AIMP1: variants seen among roughly 807,000 people sequenced by gnomAD.
The protein encoded by AIMP1 is aminoacyl tRNA synthetase complex interacting multifunctional protein 1.
In AIMP1, 24 loss-of-function variants were observed where a neutral mutation model predicts 33.1. The ratio of observed to expected loss-of-function variants is 0.73; its 90% CI spans 0.53 to 1.02. The LOEUF (loss-of-function observed/expected upper bound fraction) is 1.02, where lower values mean the gene tolerates loss of function less well. Among genes scored for constraint, AIMP1 ranks in the 50% least tolerant of loss-of-function variants. The pLI, the probability that AIMP1 is intolerant of heterozygous loss-of-function variation, is 0.00. For missense variants in AIMP1, 367 were observed against 364.8 expected, an observed-to-expected ratio of 1.01 and a Z score of -0.05; for synonymous variants, 120 against 121.5, an observed-to-expected ratio of 0.99 and a Z score of 0.08.
chr4:106,340,725 A>G (rs1395943813), intron 6 of AIMP1, among the ~76,000 whole-genome samples: 1 of 152,132 alleles, frequency 6.6e-6, no homozygotes, highest in Non-Finnish European at 1.5e-5. Context: ...TGTCTTTGCT[A>G]TTGTGAATAG....
intron 6 of AIMP1, among the ~76,000 whole-genome samples, chr4:106,343,698 C>T (rs767863604): frequency 3.3e-5 from 5 of 152,080 alleles, no homozygotes; most frequent in Non-Finnish European, 5.9e-5. Flanking sequence ...ATATGCTCAC[C>T]ACTCTACTCC....
intron 4 of AIMP1, among the ~76,000 whole-genome samples, chr4:106,329,784 T>C (rs1000613557): frequency 1.3e-3 from 165 of 126,432 alleles, no homozygotes; most frequent in Non-Finnish European, 2.0e-3. Context: ...TTTTTTTTTT[T>C]TTTTTTTTTT....
intron 6 of AIMP1, among the ~76,000 whole-genome samples, chr4:106,339,318 A>G (rs1579643692): frequency 6.6e-6 from 1 of 152,160 alleles, no homozygotes; most frequent in East Asian, 1.9e-4. Context: ...CTCATCTTGA[A>G]TTATAGCTCC....
chr4:106,336,417 G>A (rs917059185), intron 5 of AIMP1, among the ~76,000 whole-genome samples: 6 of 151,964 alleles, frequency 3.9e-5, no homozygotes, highest in African/African-American at 1.5e-4. Flanking sequence ...AAATGCACAT[G>A]TGTAAATGTG....
chr4:106,327,405 A>C lies in AIMP1; in HGVS notation c.110-46A>C, dbSNP rs531600963. On this transcript the variant is annotated intron_variant, in intron 2 of 6. Coordinates refer to ENST00000672341, the MANE Select transcript of AIMP1 (RefSeq NM_001142416.2). ...CTTCTTTTCAAATAGTATTCATACAAAACCTCTTTTAAAAACATATTTTAA... is the reference window on the plus strand; with the variant it reads ...CTTCTTTTCAAATAGTATTCATACACAACCTCTTTTAAAAACATATTTTAA... The C allele has an allele frequency of 4.3e-6, 6 of 1,408,616 alleles. No homozygotes were observed. In the South Asian group the frequency reaches 7.0e-5, roughly 16 times the overall value. The allele number at this position is 1,408,616 out of a possible 1,614,324, so 87.3% of individuals were successfully genotyped here. A position where few individuals can be genotyped will look rare whatever the true frequency, so the allele number is the denominator to read the frequency against.
chr4:106,333,014 T>TCCCC (rs1769740492), intron 5 of AIMP1, among the ~76,000 whole-genome samples: 3 of 147,538 alleles, frequency 2.0e-5, no homozygotes, highest in Non-Finnish European at 3.0e-5. Context: ...GCCCCACCCC[T>TCCCC]ACCCTTCCCA....
intron 5 of AIMP1, among the ~76,000 whole-genome samples, chr4:106,332,841 G>A (rs772696138): frequency 5.3e-5 from 8 of 151,726 alleles, no homozygotes; most frequent in Non-Finnish European, 1.2e-4. Context: ...AGTTTTTAGA[G>A]CCATGCATAT....
intron 2 of AIMP1, 70 bp downstream of exon 2, chr4:106,325,188 GT>G: frequency 7.3e-7 from 1 of 1,365,448 alleles, no homozygotes; most frequent in Non-Finnish European, 1.0e-6. Flanking sequence ...AAAAAATAAT[GT>G]TTACCGCTTT....
At chr4:106,333,383 C>T (rs1236024767) in intron 5 of AIMP1, among the ~76,000 whole-genome samples, 1 of 152,162 alleles carries the variant, frequency 6.6e-6, no homozygotes, top group African/African-American at 2.4e-5. Context: ...TCTCTAATTT[C>T]AGCGTTGCTG....
chr4:106,329,821 T>C (rs1256757908), intron 4 of AIMP1, among the ~76,000 whole-genome samples: 1 of 141,186 alleles, frequency 7.1e-6, no homozygotes, highest in East Asian at 2.3e-4. Context: ...AGTCTTGCTC[T>C]GTCACCCAGG....
chr4:106,347,800 C>A lies in AIMP1; in HGVS notation c.*108C>A. 8 of 1,188,548 alleles carry A rather than the reference C, an allele frequency of 6.7e-6. No homozygotes were observed. The highest frequency in any genetic ancestry group is 9.6e-6 in the Non-Finnish European group (8 of 836,872). The allele number at this position is 1,188,548 out of a possible 1,614,324, so 73.6% of individuals were successfully genotyped here. A position where few individuals can be genotyped will look rare whatever the true frequency, so the allele number is the denominator to read the frequency against. On this transcript the variant is annotated 3_prime_UTR_variant, in exon 7 of 7. Coordinates refer to ENST00000672341, the MANE Select transcript of AIMP1 (RefSeq NM_001142416.2). The stretch of plus-strand genomic sequence containing the variant: ...GAGTGGCTCATTTTTGCATTACTCT[C>A]TTCTAGACTTGACTAGTCATTTACT...
At chr4:106,324,579 A>C (rs1407827687) in intron 1 of AIMP1, among the ~76,000 whole-genome samples, 1 of 152,058 alleles carries the variant, frequency 6.6e-6, no homozygotes, top group Non-Finnish European at 1.5e-5. Flanking sequence ...AATACACAGT[A>C]GAAGGATCCA....
intron 6 of AIMP1, among the ~76,000 whole-genome samples, chr4:106,341,350 T>A (rs945840518): frequency 3.9e-5 from 6 of 152,130 alleles, no homozygotes; most frequent in Admixed American, 3.9e-4. Flanking sequence ...GAAGGATATT[T>A]CCTAGAATTT....
intron 6 of AIMP1, among the ~76,000 whole-genome samples, chr4:106,344,892 A>G (rs1770238136): frequency 6.6e-6 from 1 of 152,190 alleles, no homozygotes; most frequent in African/African-American, 2.4e-5. Context: ...CTGGGTTTGT[A>G]AGCTTTAACT....
chr4:106,328,311 G>T, intron 4 of AIMP1, 68 bp downstream of exon 4: 1 of 1,495,636 alleles, frequency 6.7e-7, no homozygotes, highest in Non-Finnish European at 9.0e-7. Context: ...TTTTGATAAT[G>T]ATAATAATAA....
chr4:106,348,221 T>C lies in AIMP1; in HGVS notation c.*529T>C, dbSNP rs772257138. On this transcript the variant is annotated 3_prime_UTR_variant, in exon 7 of 7. Transcript: ENST00000672341. ...AGCTAGGAGAAGTGGCATCTGAACA[T>C]TTTTGCTTTGCTGCCAGAGTAACCC... The C allele has an allele frequency of 6.6e-6, 1 of 152,208 alleles. No individual in the cohort carries two copies. Among genetic ancestry groups the C allele is most frequent in the Non-Finnish European group, 1.5e-5 (1 of 68,084 alleles). 9.4% of individuals were successfully genotyped at this position (152,208 alleles called of 1,614,324 possible).
intron 5 of AIMP1, among the ~76,000 whole-genome samples, chr4:106,335,026 G>A (rs1408950268): frequency 6.6e-6 from 1 of 152,170 alleles, no homozygotes; most frequent in African/African-American, 2.4e-5. Flanking sequence ...GCCATTGTAG[G>A]ATTTTAGAGC....
At chr4:106,337,900 C>T (rs1411822783) in intron 6 of AIMP1, among the ~76,000 whole-genome samples, 1 of 152,078 alleles carries the variant, frequency 6.6e-6, no homozygotes, top group African/African-American at 2.4e-5. Flanking sequence ...GAGGTGGTCT[C>T]AGATAGAGAT....
chr4:106,324,875 A>G, intron 1 of AIMP1, 110 bp from the exon 2 acceptor site: 1 of 850,974 alleles, frequency 1.2e-6, no homozygotes, highest in Non-Finnish European at 1.7e-6. Flanking sequence ...TAAGATATTT[A>G]TCTATTACAG....
Sources: gnomAD v4.1 joint callset for allele counts (sites outside exome capture counted in the v4.1 genomes callset) on GRCh38, gnomAD v4.1.1 for gene constraint, MANE v1.5 for transcripts, NCBI Gene and HGNC (gene_info 2026-07-23, HGNC 2026-07-21) for gene names.